Variants in NELL1 observed in about 807,000 individuals in gnomAD.
The protein encoded by NELL1 is neural EGFL like 1, also known as protein kinase C-binding protein NELL1.
A neutral mutation model predicts 107.4 loss-of-function variants in NELL1; 76 were observed. The ratio of observed to expected loss-of-function variants is 0.71; its 90% CI spans 0.59 to 0.86. The LOEUF (loss-of-function observed/expected upper bound fraction) is 0.86, where lower values mean the gene tolerates loss of function less well. NELL1 is among the 40% of genes least tolerant of loss of function. The pLI, the probability that NELL1 is intolerant of heterozygous loss-of-function variation, is 0.00. For synonymous variants in NELL1, 353 were observed against 341.2 expected (o/e 1.03, Z -0.38); for missense variants, 1,024 against 1,005.5 (o/e 1.02, Z -0.25).
intron 15 of NELL1, among the ~76,000 whole-genome samples, chr11:21,462,140 A>C (rs2133873537): frequency 6.6e-6 from 1 of 152,194 alleles, no homozygotes; most frequent in African/African-American, 2.4e-5. Flanking sequence ...TAAATGGGAA[A>C]TTTTCATTAA....
chr11:21,289,437 G>A (rs1443053371), intron 14 of NELL1, among the ~76,000 whole-genome samples: 1 of 152,146 alleles, frequency 6.6e-6, no homozygotes, highest in South Asian at 2.1e-4. Flanking sequence ...CTAGCCAAGG[G>A]AAGCCATGAG....
chr11:21,462,832 A>T (rs755586154), intron 15 of NELL1, among the ~76,000 whole-genome samples: 26 of 152,064 alleles, frequency 1.7e-4, no homozygotes, highest in Admixed American at 5.9e-4. Flanking sequence ...AATTTTGAGT[A>T]GTCTGCTGGA....
At chr11:20,915,826 A>C (rs1341071236) in intron 5 of NELL1, among the ~76,000 whole-genome samples, 1 of 150,030 alleles carries the variant, frequency 6.7e-6, no homozygotes, top group Non-Finnish European at 1.5e-5. Flanking sequence ...ATGCTTAGCA[A>C]ATGCTTCTTT....
chr11:21,374,530 C>T (rs529758132), intron 15 of NELL1, among the ~76,000 whole-genome samples: 19 of 152,170 alleles, frequency 1.2e-4, no homozygotes, highest in African/African-American at 4.3e-4. Context: ...ATGCTGTTCA[C>T]GTTGGCCACG....
chr11:21,037,331 C>T (rs1476816514), intron 12 of NELL1, among the ~76,000 whole-genome samples: 4 of 152,052 alleles, frequency 2.6e-5, no homozygotes, highest in African/African-American at 9.7e-5. Flanking sequence ...GAACTGCTAA[C>T]CTTGGGCCAC....
At chr11:21,529,258 A>C (rs1855935428) in intron 15 of NELL1, among the ~76,000 whole-genome samples, 1 of 152,130 alleles carries the variant, frequency 6.6e-6, no homozygotes, top group South Asian at 2.1e-4. Context: ...CTGGAGGATC[A>C]TATTAGGCAT....
chr11:20,779,825 T>G (rs1008812501), intron 2 of NELL1, among the ~76,000 whole-genome samples: 1 of 152,220 alleles, frequency 6.6e-6, no homozygotes, highest in African/African-American at 2.4e-5. Flanking sequence ...TTGGAGATCA[T>G]GGAATTTAGT....
chr11:21,220,529 T>G (rs1857729086), intron 13 of NELL1, among the ~76,000 whole-genome samples: 1 of 152,196 alleles, frequency 6.6e-6, no homozygotes, highest in Admixed American at 6.5e-5. Flanking sequence ...TACATTTTTG[T>G]GTGTCCTCTT....
At chr11:21,050,639 T>G (rs1853469865) in intron 12 of NELL1, among the ~76,000 whole-genome samples, 2 of 152,268 alleles carry the variant, frequency 1.3e-5, no homozygotes, top group Non-Finnish European at 1.5e-5. Flanking sequence ...TAAAGATAAA[T>G]GATTTTTAAA....
intron 2 of NELL1, chr11:20,773,717 T>A (rs574136086): frequency 6.6e-6 from 1 of 152,128 alleles, no homozygotes; most frequent in Non-Finnish European, 1.5e-5. Flanking sequence ...AGGCTGGTCT[T>A]GAACTCCTGA....
chr11:21,225,704 G>A (rs1297583786), intron 13 of NELL1, among the ~76,000 whole-genome samples: 1 of 152,048 alleles, frequency 6.6e-6, no homozygotes, highest in African/African-American at 2.4e-5. Context: ...GATTAAGTCT[G>A]CCCACAAGTA....
intron 15 of NELL1, among the ~76,000 whole-genome samples, chr11:21,505,827 A>G (rs2133937909): frequency 6.6e-6 from 1 of 152,346 alleles, no homozygotes; most frequent in African/African-American, 2.4e-5. Context: ...CCAGTAGACT[A>G]CAGAGTCTCA....
intron 12 of NELL1, among the ~76,000 whole-genome samples, chr11:20,983,965 A>G (rs1451418328): frequency 6.6e-6 from 1 of 152,084 alleles, no homozygotes; most frequent in African/African-American, 2.4e-5. Context: ...ATCCCTCAGT[A>G]ACATATCTTC....
chr11:21,335,739 G>A (rs1262975711), intron 14 of NELL1, among the ~76,000 whole-genome samples: 1 of 152,032 alleles, frequency 6.6e-6, no homozygotes, highest in Non-Finnish European at 1.5e-5. Flanking sequence ...CAGTTAGCAA[G>A]TAAAATTTTG....
intron 15 of NELL1, among the ~76,000 whole-genome samples, chr11:21,395,017 A>G (rs1006167499): frequency 2.6e-5 from 4 of 151,472 alleles, no homozygotes; most frequent in African/African-American, 9.7e-5. Context: ...AGGTATATAC[A>G]AGGGATATTA....
chr11:21,048,587 C>G (rs1853413083), intron 12 of NELL1, among the ~76,000 whole-genome samples: 1 of 152,092 alleles, frequency 6.6e-6, no homozygotes, highest in East Asian at 1.9e-4. Context: ...AATTTTCTGG[C>G]ACCTGTGACT....
At chr11:20,949,471 T>C (rs1851030516) in intron 11 of NELL1, among the ~76,000 whole-genome samples, 2 of 152,216 alleles carry the variant, frequency 1.3e-5, no homozygotes, top group South Asian at 2.1e-4. Context: ...TTAGATAGAA[T>C]GGTTAGGTAG....
intron 14 of NELL1, among the ~76,000 whole-genome samples, chr11:21,306,428 C>T (rs1849605963): frequency 6.6e-6 from 1 of 152,002 alleles, no homozygotes; most frequent in Non-Finnish European, 1.5e-5. Context: ...AGTGCACAAG[C>T]ACCTCTTTTC....
intron 14 of NELL1, among the ~76,000 whole-genome samples, chr11:21,309,159 A>T (rs1231073377): frequency 6.6e-6 from 1 of 150,388 alleles, no homozygotes; most frequent in African/African-American, 2.4e-5. Flanking sequence ...TTAAGGTCAC[A>T]TAACAAGCAG....
Sources: gnomAD v4.1 joint callset for allele counts (sites outside exome capture counted in the v4.1 genomes callset) on GRCh38, gnomAD v4.1.1 for gene constraint, MANE v1.5 for transcripts, NCBI Gene and HGNC (gene_info 2026-07-23, HGNC 2026-07-21) for gene names.